ABL2: variants seen among roughly 807,000 people sequenced by gnomAD.
ABL2 encodes ABL proto-oncogene 2, non-receptor tyrosine kinase, also known as tyrosine-protein kinase ABL2.
Under a neutral mutation model 107.7 loss-of-function variants are expected in ABL2, and 49 were observed. The ratio of observed to expected loss-of-function variants is 0.45; its 90% confidence interval spans 0.36 to 0.58. The LOEUF (loss-of-function observed/expected upper bound fraction) is 0.58, where lower values mean the gene tolerates loss of function less well. Ranked by LOEUF, ABL2 falls within the 20% of genes least tolerant of loss-of-function variation. The pLI is 0.00. For synonymous variants in ABL2, 549 were observed against 548.6 expected (o/e 1.00, Z -0.01); for missense variants, 1,245 against 1,457.0 (o/e 0.85, Z 2.37).
chr1:179,144,424 C>T (rs944893945), intron 1 of ABL2, among the ~76,000 whole-genome samples: 7 of 152,202 alleles, frequency 4.6e-5, no homozygotes, highest in African/African-American at 1.7e-4. Flanking sequence ...CGCGCCACTG[C>T]ACTCCAGCCT....
At chr1:179,123,967 C>T (rs1042780867) in intron 4 of ABL2, among the ~76,000 whole-genome samples, 10 of 151,726 alleles carry the variant, frequency 6.6e-5, no homozygotes, top group African/African-American at 2.4e-4. Flanking sequence ...TTTGGTCGGG[C>T]GCAGTGGCTC....
chr1:179,149,602 T>C (rs549124436), intron 1 of ABL2, among the ~76,000 whole-genome samples: 2 of 152,364 alleles, frequency 1.3e-5, no homozygotes, highest in Non-Finnish European at 2.9e-5. Flanking sequence ...AATGTTGCTG[T>C]TGACTTTAAA....
chr1:179,120,310 G>A lies in ABL2; in HGVS notation c.961-36C>T, dbSNP rs552916218. 27 of 1,384,212 alleles carry A rather than the reference G, an allele frequency of 2.0e-5. No homozygotes were observed. In the African/African-American group the frequency reaches 3.7e-4, roughly 19 times the overall value. The allele number at this position is 1,384,212 out of a possible 1,614,324, so 85.7% of individuals were successfully genotyped here. A position where few individuals can be genotyped will look rare whatever the true frequency, so the allele number is the denominator to read the frequency against. On this transcript the variant is annotated intron_variant, in intron 5 of 11. Transcript: ENST00000502732. ...GGAAAGGTAAGAAAGAAGAAAACGA[G>A]AGGGACAAACCCTCAACTTAAAATC...
rs1401807569 is a variant in ABL2 at position 179,107,093 on chromosome 1, C to T, written c.*625G>A. On this transcript the variant is annotated 3_prime_UTR_variant, in exon 12 of 12. Transcript: ENST00000502732. ...TCAACTTTCCAGCATTCTTTACTTCCTGCACTAACTGATACACCAGCGGAA... is the reference window on the plus strand; with the variant it reads ...TCAACTTTCCAGCATTCTTTACTTCTTGCACTAACTGATACACCAGCGGAA... 1 of 230,604 alleles carries T rather than the reference C, an allele frequency of 4.3e-6. No individual in the cohort carries two copies. The highest frequency in any genetic ancestry group is 8.6e-6 in the Non-Finnish European group (1 of 116,498). The allele number at this position is 230,604 out of a possible 1,614,324, so 14.3% of individuals were successfully genotyped here. A position where few individuals can be genotyped will look rare whatever the true frequency, so the allele number is the denominator to read the frequency against.
chr1:179,210,675 C>G (rs1233901058), intron 1 of ABL2, among the ~76,000 whole-genome samples: 1 of 151,848 alleles, frequency 6.6e-6, no homozygotes, highest in Non-Finnish European at 1.5e-5. Flanking sequence ...CACAGTGAAA[C>G]CTCACCTCTA....
chr1:179,163,795 A>T (rs948979024), intron 1 of ABL2, among the ~76,000 whole-genome samples: 23 of 152,226 alleles, frequency 1.5e-4, no homozygotes, highest in South Asian at 4.1e-4. Context: ...AAAGCAACTT[A>T]AATGTCCTTC....
chr1:179,199,758 TTCTC>T (rs1252410599), intron 1 of ABL2, among the ~76,000 whole-genome samples: 17 of 142,346 alleles, frequency 1.2e-4, no homozygotes, highest in East Asian at 2.1e-4. Flanking sequence ...TTGAGACAGA[TTCTC>T]TCTCTGTCAC....
chr1:179,114,837 T>C, intron 9 of ABL2, 41 bp downstream of exon 9: 1 of 1,562,994 alleles, frequency 6.4e-7, no homozygotes. Flanking sequence ...TCTGAACTGC[T>C]AGCTTATGCC....
At chr1:179,202,986 C>G (rs1263934144) in intron 1 of ABL2, among the ~76,000 whole-genome samples, 1 of 152,066 alleles carries the variant, frequency 6.6e-6, no homozygotes, top group Non-Finnish European at 1.5e-5. Flanking sequence ...TTTTGGTTAG[C>G]AATACAAAAT....
At chr1:179,183,945 G>T in intron 1 of ABL2, 1 of 266,242 alleles carries the variant, frequency 3.8e-6, no homozygotes, top group Non-Finnish European at 7.3e-6. Flanking sequence ...TAGACTTGCC[G>T]AAGAGAGAAA....
Position 179,106,058 on chromosome 1 carries a change from C to G in ABL2, c.*1660G>C. ...TCAATGACAGAGCCAGAAGAAAACT[C>G]AGTGCTCAATGTTGAATTCCTATCT... is the stretch of plus-strand genomic sequence containing the variant. On this transcript the variant is annotated 3_prime_UTR_variant, in exon 12 of 12. Coordinates refer to ENST00000502732, the MANE Select transcript of ABL2 (RefSeq NM_007314.4). The G allele has an allele frequency of 4.6e-6, 1 of 217,040 alleles. No individual in the cohort carries two copies. The highest frequency in any genetic ancestry group is 6.8e-5 in the East Asian group (1 of 14,670). The allele number at this position is 217,040 out of a possible 1,614,324, so 13.4% of individuals were successfully genotyped here. A position where few individuals can be genotyped will look rare whatever the true frequency, so the allele number is the denominator to read the frequency against.
chr1:179,188,255 A>C (rs975384528), intron 1 of ABL2, among the ~76,000 whole-genome samples: 3 of 152,172 alleles, frequency 2.0e-5, no homozygotes, highest in Non-Finnish European at 2.9e-5. Flanking sequence ...CTAAAACAGC[A>C]CATCTGCTGG....
chr1:179,166,614 TA>T (rs1465460075), intron 1 of ABL2, among the ~76,000 whole-genome samples: 3 of 151,500 alleles, frequency 2.0e-5, no homozygotes, highest in Non-Finnish European at 2.9e-5. Flanking sequence ...CCGTCTCTAC[TA>T]AAAATACAAA....
At chr1:179,165,090 T>C (rs1659300939) in intron 1 of ABL2, among the ~76,000 whole-genome samples, 1 of 152,230 alleles carries the variant, frequency 6.6e-6, no homozygotes, top group East Asian at 1.9e-4. Context: ...TAATGTGAGA[T>C]GATAAAATAG....
intron 1 of ABL2, among the ~76,000 whole-genome samples, chr1:179,135,804 C>T (rs1412098468): frequency 2.0e-5 from 3 of 146,962 alleles, no homozygotes; most frequent in Non-Finnish European, 4.5e-5. Context: ...CCCGGCCAGC[C>T]GCCCCGTCCG....
In ABL2 at chr1:179,133,389, A is replaced by G. The variant is rs755714048; in HGVS notation, c.158-15T>C. 4.3e-6 allele frequency: 7 copies of G among 1,613,954 alleles called. No homozygotes were observed. Among genetic ancestry groups the G allele is most frequent in the Non-Finnish European group, 5.9e-6 (7 of 1,180,004 alleles). ...GGCAAAGTGATCTATTTAAGAAAAA[A>G]ATTGACCACGTCACTTTTCTTAAGC... On this transcript the variant is annotated splice_polypyrimidine_tract_variant and intron_variant, in intron 1 of 11. Coordinates refer to ENST00000502732, the MANE Select transcript of ABL2 (RefSeq NM_007314.4).
rs868849096 is a variant in ABL2, at chr1:179,135,391, C to A, written c.158-2017G>T. On this transcript the variant is annotated intron_variant, in intron 1 of 11. Coordinates refer to ENST00000502732, the MANE Select transcript of ABL2 (RefSeq NM_007314.4). ...AGCACCTCTGCCCTGCCACCCCGTC[C>A]GGGATGTGAGAAGCGTCTCTGCCCG... Among the ~76,000 whole-genome samples the A allele has an allele frequency of 2.7e-5, 4 of 150,530 alleles. No homozygotes were observed. The East Asian group carries it at 5.9e-4, about 22-fold the overall frequency.
chr1:179,122,356 G>T (rs1655304099), intron 4 of ABL2, among the ~76,000 whole-genome samples: 1 of 150,688 alleles, frequency 6.6e-6, no homozygotes, highest in Admixed American at 6.6e-5. Flanking sequence ...CCAGCCTCAA[G>T]CAATCCTCCT....
At chr1:179,143,719 C>T (rs558275431) in intron 1 of ABL2, among the ~76,000 whole-genome samples, 6 of 152,258 alleles carry the variant, frequency 3.9e-5, no homozygotes, top group African/African-American at 1.4e-4. Context: ...TTTTTTGAGA[C>T]GGAGTCTCGC....
Sources: gnomAD v4.1 joint callset for allele counts (sites outside exome capture counted in the v4.1 genomes callset) on GRCh38, gnomAD v4.1.1 for gene constraint, MANE v1.5 for transcripts, NCBI Gene and HGNC (gene_info 2026-07-23, HGNC 2026-07-21) for gene names.